MAP3K21: variants seen among roughly 807,000 people sequenced by gnomAD.
MAP3K21 encodes mitogen-activated protein kinase kinase kinase MLK4.
MAP3K21 carries 63 observed loss-of-function variants against 86.1 expected under a neutral mutation model. The ratio of observed to expected loss-of-function variants is 0.73; its 90% CI spans 0.60 to 0.90. MAP3K21 has a LOEUF of 0.90. Ranked by LOEUF, MAP3K21 falls within the 40% of genes least tolerant of loss-of-function variation. The probability of loss-of-function intolerance (pLI) is 0.00; values close to 1 mark genes in which losing one functional copy is unlikely to be tolerated. For synonymous variants in MAP3K21, 558 were observed against 564.8 expected, an observed-to-expected ratio of 0.99 and a Z score of 0.17; for missense variants, 1,220 against 1,367.7, an observed-to-expected ratio of 0.89 and a Z score of 1.70.
intron 1 of MAP3K21, among the ~76,000 whole-genome samples, chr1:233,339,313 T>TCCCTCTTCTCCCTCTTC (rs1662983600): frequency 7.4e-6 from 1 of 135,656 alleles, no homozygotes; most frequent in African/African-American, 2.7e-5. Context: ...CCTCTTCTTC[T>TCCCTCTTCTCCCTCTTC]TCCTCTTCTT....
rs562164934 is a variant in MAP3K21, at chr1:233,375,342, G to A, written c.1676-574G>A. Among the ~76,000 whole-genome samples, 151 of 152,154 alleles carry A rather than the reference G, an allele frequency of 9.9e-4. 1 individual carries two copies. Among genetic ancestry groups the A allele is most frequent in the African/African-American group, 3.3e-3 (138 of 41,510 alleles). On this transcript the variant is annotated intron_variant, in intron 6 of 9. Transcript: ENST00000366624. Reference sequence around the variant, plus strand: ...AATATACATCGTCCTGTGAGGTAGTGAAAAAAGCAAGACATGGAAAACTGT... The same window carrying A: ...AATATACATCGTCCTGTGAGGTAGTAAAAAAAGCAAGACATGGAAAACTGT...
intron 5 of MAP3K21, among the ~76,000 whole-genome samples, chr1:233,367,555 GGATGTTTAC>G (rs1663601261): frequency 6.6e-6 from 1 of 152,158 alleles, no homozygotes; most frequent in Admixed American, 6.5e-5. Context: ...AAAGGGACAA[GGATGTTTAC>G]GATAAAGAAT....
intron 4 of MAP3K21, among the ~76,000 whole-genome samples, chr1:233,358,058 G>GT (rs1558457812): frequency 1.0e-3 from 153 of 146,574 alleles, no homozygotes; most frequent in East Asian, 0.01. Context: ...GTGCCTGATG[G>GT]GTTTTTTTTT....
intron 5 of MAP3K21, among the ~76,000 whole-genome samples, chr1:233,368,491 A>G (rs1663621747): frequency 6.6e-6 from 1 of 151,912 alleles, no homozygotes; most frequent in Non-Finnish European, 1.5e-5. Context: ...CCATTTCTAC[A>G]AAAATATACA....
rs1305272576 is a variant in MAP3K21, at chr1:233,384,895, T to C, written c.*2184T>C. The C allele has an allele frequency of 6.6e-6, 1 of 152,248 alleles. No homozygotes were observed. The highest frequency in any genetic ancestry group is 2.4e-5 in the African/African-American group (1 of 41,472). The allele number at this position is 152,248 out of a possible 1,614,324, so 9.4% of individuals were successfully genotyped here. ...GTTACTGCAGATAGTTAACTTTTGCTGCAATCTATTGTACATTTGCAATTT... is the reference window on the plus strand; with the variant it reads ...GTTACTGCAGATAGTTAACTTTTGCCGCAATCTATTGTACATTTGCAATTT... On this transcript the variant is annotated 3_prime_UTR_variant, in exon 10 of 10. Transcript: ENST00000366624.
At chr1:233,341,736 G>C (rs1001348070) in intron 1 of MAP3K21, among the ~76,000 whole-genome samples, 2 of 152,180 alleles carry the variant, frequency 1.3e-5, no homozygotes, top group African/African-American at 4.8e-5. Flanking sequence ...TGGGGTCTGG[G>C]TGTGGATAAG....
chr1:233,356,993 G>A (rs914610193), intron 4 of MAP3K21, among the ~76,000 whole-genome samples: 4 of 152,190 alleles, frequency 2.6e-5, no homozygotes, highest in Non-Finnish European at 5.9e-5. Flanking sequence ...ACTAATGTCC[G>A]GGTGTGGTGG....
At chr1:233,340,944 T>A (rs1261776059) in intron 1 of MAP3K21, among the ~76,000 whole-genome samples, 1 of 152,192 alleles carries the variant, frequency 6.6e-6, no homozygotes. Flanking sequence ...TAATAATTGC[T>A]TTTTTAAAAA....
In MAP3K21 at chr1:233,354,870, G is replaced by T. The variant is rs56236357; in HGVS notation, c.1170G>T (p.Ser390=). ...CWQQDPHIRP[S]FALILEQLTA... ...AACAAGACCCTCATATTCGTCCATC[G>T]TTTGCCTTAATTCTCGAACAGTTGA... Residue 390 remains serine, a synonymous_variant, in exon 4 of 10, where the codon TCG becomes TCT. Transcript: ENST00000366624. 10 of 1,613,856 alleles carry T rather than the reference G, an allele frequency of 6.2e-6. No individual in the cohort carries two copies. The African/African-American group carries it at 1.2e-4, about 19-fold the overall frequency.
intron 4 of MAP3K21, among the ~76,000 whole-genome samples, chr1:233,358,484 T>TTTTC (rs1204912216): frequency 6.6e-6 from 1 of 151,960 alleles, no homozygotes; most frequent in Non-Finnish European, 1.5e-5. Flanking sequence ...TTTTTTTTTT[T>TTTTC]TTTAACACTT....
intron 1 of MAP3K21, among the ~76,000 whole-genome samples, chr1:233,335,202 A>G (rs773443099): frequency 2.6e-5 from 4 of 152,132 alleles, no homozygotes; most frequent in African/African-American, 4.8e-5. Flanking sequence ...TTTAATGGGC[A>G]GAGGGTTTTG....
intron 5 of MAP3K21, 56 bp downstream of exon 5, chr1:233,362,349 G>A (rs1293772184): frequency 6.3e-7 from 1 of 1,580,040 alleles, no homozygotes; most frequent in African/African-American, 1.3e-5. Flanking sequence ...CTTTTAATCA[G>A]TTTTCTTTGT....
chr1:233,332,426 C>A (rs964594158), intron 1 of MAP3K21, among the ~76,000 whole-genome samples: 1 of 151,808 alleles, frequency 6.6e-6, no homozygotes, highest in Non-Finnish European at 1.5e-5. Context: ...CAAAAATGAG[C>A]CTTCCATATT....
At chr1:233,343,397 A>G (rs751347151) in intron 1 of MAP3K21, among the ~76,000 whole-genome samples, 5 of 152,126 alleles carry the variant, frequency 3.3e-5, no homozygotes, top group Non-Finnish European at 5.9e-5. Context: ...TGTAGGTACT[A>G]TGGTAATTCA....
At position 233,328,876 on chromosome 1, in the gene MAP3K21, C is replaced by A; in HGVS notation, c.805+43C>A. 1 of 1,441,252 alleles carries A rather than the reference C, an allele frequency of 6.9e-7. No individual in the cohort carries two copies. The highest frequency in any genetic ancestry group is 9.2e-7 in the Non-Finnish European group (1 of 1,090,928). 89.3% of individuals were successfully genotyped at this position (1,441,252 alleles called of 1,614,324 possible). A position where few individuals can be genotyped will look rare whatever the true frequency, so the allele number is the denominator to read the frequency against. ...GAGGTGGGGGAAGACTACCTCCGTG[C>A]CAGCCCAGGCGGGCTCCACAGGACA... is the stretch of plus-strand genomic sequence containing the variant. On this transcript the variant is annotated intron_variant, in intron 1 of 9. Coordinates refer to ENST00000366624, the MANE Select transcript of MAP3K21 (RefSeq NM_032435.3). This position sits in a 1 kb window ranked among gnomAD's most constrained non-coding sequence, Gnocchi z 8.7.
intron 7 of MAP3K21, 102 bp downstream of exon 7, chr1:233,376,168 A>C (rs1663792787): frequency 2.6e-6 from 2 of 757,656 alleles, no homozygotes; most frequent in Non-Finnish European, 2.1e-6. Flanking sequence ...GTAAATTAAT[A>C]GAGAGATTTA....
intron 4 of MAP3K21, among the ~76,000 whole-genome samples, chr1:233,361,818 G>A (rs537540041): frequency 3.9e-5 from 6 of 152,320 alleles, no homozygotes; most frequent in African/African-American, 1.2e-4. Flanking sequence ...GGCCTGGGCT[G>A]TCATCTAAGT....
chr1:233,372,291 A>C, intron 6 of MAP3K21, 131 bp downstream of exon 6: 1 of 1,028,728 alleles, frequency 9.7e-7, no homozygotes, highest in Non-Finnish European at 1.4e-6. Context: ...TAGGTGCCAC[A>C]ACTATTTGAG....
Position 233,379,223 on chromosome 1 carries a change from C to G in MAP3K21, c.2217C>G (p.Leu739=). The G allele has an allele frequency of 6.2e-7, 1 of 1,614,156 alleles. No individual in the cohort carries two copies. Among genetic ancestry groups the G allele is most frequent in the Non-Finnish European group, 8.5e-7 (1 of 1,180,020 alleles). The change falls in exon 9 of 10, where the codon CTC becomes CTG. Residue 739 remains leucine (L), a synonymous_variant. Transcript: ENST00000366624. Reference sequence around the variant, plus strand: ...CATCGGTGGCTCTGGGACTGGACCTCAGAGAGCTTCATAAAGCACAGGCTG... The same window carrying G: ...CATCGGTGGCTCTGGGACTGGACCTGAGAGAGCTTCATAAAGCACAGGCTG... The part of the protein sequence containing the change: ...LLASVALGLD[L]RELHKAQAAE...
Sources: gnomAD v4.1 joint callset for allele counts (sites outside exome capture counted in the v4.1 genomes callset) on GRCh38, gnomAD v4.1.1 for gene constraint, Gnocchi (gnomAD v3.1) non-coding constraint, MANE v1.5 for transcripts, NCBI Gene and HGNC (gene_info 2026-07-23, HGNC 2026-07-21) for gene names.